MAN2A1: variants seen among roughly 807,000 people sequenced by gnomAD.
MAN2A1 encodes alpha-mannosidase 2.
Under a neutral mutation model 142.6 loss-of-function variants are expected in MAN2A1, and 76 were observed. The ratio of observed to expected loss-of-function variants is 0.53; its 90% CI spans 0.44 to 0.65. The LOEUF (loss-of-function observed/expected upper bound fraction) is 0.65, where lower values mean the gene tolerates loss of function less well. Ranked by LOEUF, MAN2A1 falls within the 30% of genes least tolerant of loss-of-function variation. The probability of loss-of-function intolerance (pLI) is 0.00; values close to 1 mark genes in which losing one functional copy is unlikely to be tolerated. For synonymous variants in MAN2A1, 559 were observed against 473.2 expected, an observed-to-expected ratio of 1.18 and a Z score of -2.35; for missense variants, 1,311 against 1,365.1, an observed-to-expected ratio of 0.96 and a Z score of 0.62.
intron 19 of MAN2A1, among the ~76,000 whole-genome samples, chr5:109,850,627 C>T (rs1231502947): frequency 1.3e-5 from 2 of 152,220 alleles, no homozygotes; most frequent in Non-Finnish European, 2.9e-5. Context: ...TCTTTTGCTC[C>T]TCCTGAAAAA....
At chr5:109,807,157 C>A (rs1398944153) in intron 12 of MAN2A1, among the ~76,000 whole-genome samples, 1 of 152,062 alleles carries the variant, frequency 6.6e-6, no homozygotes, top group African/African-American at 2.4e-5. Flanking sequence ...AAGGGCTAGA[C>A]CCACTTCATT....
intron 16 of MAN2A1, among the ~76,000 whole-genome samples, chr5:109,842,121 T>G (rs1389071637): frequency 6.6e-6 from 1 of 152,190 alleles, no homozygotes; most frequent in Non-Finnish European, 1.5e-5. Context: ...ATGAATAATA[T>G]GCTCCCCTGA....
At chr5:109,790,719 G>A (rs1461420198) in intron 12 of MAN2A1, among the ~76,000 whole-genome samples, 1 of 151,928 alleles carries the variant, frequency 6.6e-6, no homozygotes, top group Non-Finnish European at 1.5e-5. Context: ...TTGGCTTTAG[G>A]CATAGTTCTC....
intron 4 of MAN2A1, among the ~76,000 whole-genome samples, chr5:109,754,501 T>C (rs1237153985): frequency 1.3e-5 from 2 of 152,232 alleles, no homozygotes; most frequent in African/African-American, 2.4e-5. Flanking sequence ...AGTCATGTGG[T>C]ATTTACTAGC....
chr5:109,705,641 C>T (rs1751109395), intron 1 of MAN2A1, among the ~76,000 whole-genome samples: 1 of 152,172 alleles, frequency 6.6e-6, no homozygotes. Context: ...CTGCTATCAC[C>T]ACAAACTTAG....
chr5:109,718,876 G>A (rs571534144), intron 3 of MAN2A1, among the ~76,000 whole-genome samples: 4 of 152,096 alleles, frequency 2.6e-5, no homozygotes, highest in Non-Finnish European at 5.9e-5. Context: ...ATGAGCTAAT[G>A]AATCTGACTC....
At chr5:109,762,997 T>G (rs1211110386) in intron 5 of MAN2A1, among the ~76,000 whole-genome samples, 1 of 152,192 alleles carries the variant, frequency 6.6e-6, no homozygotes, top group Non-Finnish European at 1.5e-5. Context: ...AAAAGTAGGT[T>G]GGTTATTTCA....
intron 4 of MAN2A1, among the ~76,000 whole-genome samples, chr5:109,738,743 A>G (rs1040704591): frequency 2.1e-4 from 32 of 152,324 alleles, no homozygotes; most frequent in South Asian, 6.2e-4. Flanking sequence ...CCCAATAAAC[A>G]TTAGTGCTTT....
chr5:109,775,443 A>G (rs185220091), intron 8 of MAN2A1, among the ~76,000 whole-genome samples: 3 of 151,434 alleles, frequency 2.0e-5, no homozygotes, highest in African/African-American at 7.3e-5. Context: ...AAGTGAGAAG[A>G]CTTCTAAAAT....
intron 12 of MAN2A1, among the ~76,000 whole-genome samples, chr5:109,812,045 G>T (rs1252135218): frequency 6.6e-6 from 1 of 152,148 alleles, no homozygotes; most frequent in Non-Finnish European, 1.5e-5. Context: ...TGATGTGCCA[G>T]GGTCCTTGGT....
In MAN2A1 at chr5:109,819,694, C is replaced by G; in HGVS notation, c.2135C>G (p.Pro712Arg). The G allele has an allele frequency of 6.2e-7, 1 of 1,606,378 alleles. No individual in the cohort carries two copies. The change falls in exon 14 of 22, where the codon CCA becomes CGA. Residue 712 changes from proline (P) to arginine (R), a missense_variant. Pro to Arg is a moderately radical substitution (Grantham distance 103, BLOSUM62 -2). Coordinates refer to ENST00000261483, the MANE Select transcript of MAN2A1 (RefSeq NM_002372.4). ...YEISFRAHIP[P>R]LGLKVYKILE... Reference sequence around the variant, plus strand: ...ATCTCTTTTCGAGCACATATACCGCCATTGGGACTGAAAGTGTATAAGATT... The same window carrying G: ...ATCTCTTTTCGAGCACATATACCGCGATTGGGACTGAAAGTGTATAAGATT...
At chr5:109,766,129 C>G (rs745431204) in intron 5 of MAN2A1, among the ~76,000 whole-genome samples, 2 of 151,920 alleles carry the variant, frequency 1.3e-5, no homozygotes, top group Non-Finnish European at 2.9e-5. Context: ...TTTTATATTT[C>G]CTCATGAAAA....
intron 1 of MAN2A1, among the ~76,000 whole-genome samples, chr5:109,708,148 G>A (rs1005750686): frequency 9.9e-5 from 15 of 152,148 alleles, no homozygotes; most frequent in Non-Finnish European, 1.3e-4. Flanking sequence ...TAAACAGTTG[G>A]CAGGAGGAAA....
intron 12 of MAN2A1, among the ~76,000 whole-genome samples, chr5:109,791,037 T>G (rs1174847523): frequency 6.6e-6 from 1 of 152,086 alleles, no homozygotes; most frequent in African/African-American, 2.4e-5. Flanking sequence ...TTTTTAAGCT[T>G]TCATATTGAG....
intron 16 of MAN2A1, chr5:109,840,468 C>T: frequency 2.1e-6 from 1 of 480,778 alleles, no homozygotes; most frequent in South Asian, 1.6e-5. Context: ...CCACTGAAGT[C>T]ATCAAACCGA....
At chr5:109,694,954 T>C (rs905415645) in intron 1 of MAN2A1, among the ~76,000 whole-genome samples, 1 of 152,226 alleles carries the variant, frequency 6.6e-6, no homozygotes, top group Non-Finnish European at 1.5e-5. Context: ...AGGGAGATTG[T>C]CTTATTTTCT....
At chr5:109,819,947 T>C in intron 14 of MAN2A1, 60 bp downstream of exon 14, 4 of 1,200,512 alleles carry the variant, frequency 3.3e-6, no homozygotes, top group Non-Finnish European at 4.7e-6. Context: ...ACAATGTGTG[T>C]AGATTAATTA....
chr5:109,739,047 G>A (rs375140246), intron 4 of MAN2A1, among the ~76,000 whole-genome samples: 1 of 151,994 alleles, frequency 6.6e-6, no homozygotes, highest in African/African-American at 2.4e-5. Flanking sequence ...TTGCCATGTT[G>A]CGCAGGCTGG....
At position 109,782,410 on chromosome 5, in the gene MAN2A1, G is replaced by A. The variant is rs1453855788; in HGVS notation, c.1577+812G>A. Among the ~76,000 whole-genome samples the A allele has an allele frequency of 4.6e-5, 7 of 152,280 alleles. No individual in the cohort carries two copies. In the East Asian group the frequency reaches 1.4e-3, roughly 29 times the overall value. On this transcript the variant is annotated intron_variant, in intron 9 of 21. Coordinates refer to ENST00000261483, the MANE Select transcript of MAN2A1 (RefSeq NM_002372.4). Reference sequence around the variant, plus strand: ...AATTAATTTAAATGTCAATAGCCATGTGTGGCTATGGCTACCATATTGGAG... The same window carrying A: ...AATTAATTTAAATGTCAATAGCCATATGTGGCTATGGCTACCATATTGGAG...
Sources: allele counts gnomAD v4.1 joint callset (sites outside exome capture counted in the v4.1 genomes callset), GRCh38; gene constraint gnomAD v4.1.1; transcripts MANE v1.5; gene names NCBI Gene and HGNC (gene_info 2026-07-23, HGNC 2026-07-21).